The following LCP1 variants were observed in gnomAD, a reference collection of about 807,000 sequenced individuals.
LCP1 encodes the protein lymphocyte cytosolic protein 1, also known as plastin-2.
A neutral mutation model predicts 72.0 loss-of-function variants in LCP1; 23 were observed. The ratio of observed to expected loss-of-function variants is 0.32; its 90% CI spans 0.23 to 0.45. LCP1 has a LOEUF of 0.45. Ranked by LOEUF, LCP1 falls within the 20% of genes least tolerant of loss-of-function variation. LCP1 has a pLI of 1.00. For missense variants in LCP1, 571 were observed against 748.3 expected (o/e 0.76, Z 2.76); for synonymous variants, 245 against 275.4 (o/e 0.89, Z 1.09).
intron 4 of LCP1, 88 bp from the exon 5 acceptor site, chr13:46,156,658 C>T (rs1374399678): frequency 2.2e-6 from 3 of 1,394,432 alleles, no homozygotes; most frequent in African/African-American, 2.8e-5. Flanking sequence ...ATTCTCATTC[C>T]CAGCAGAGAG....
chr13:46,136,033 G>A (rs2045662975), intron 13 of LCP1, among the ~76,000 whole-genome samples: 1 of 151,418 alleles, frequency 6.6e-6, no homozygotes, highest in African/African-American at 2.4e-5. Context: ...GCACATCTGT[G>A]ATTTCCTTCT....
intron 1 of LCP1, among the ~76,000 whole-genome samples, chr13:46,173,622 A>G (rs1211649804): frequency 6.6e-6 from 1 of 152,178 alleles, no homozygotes; most frequent in Non-Finnish European, 1.5e-5. Context: ...TGTGGGTGTA[A>G]ATCTAGATCT....
Position 46,154,786 on chromosome 13 carries a change from T to C in LCP1, c.573+19A>G, listed in dbSNP as rs371545146. 2.2e-5 allele frequency: 35 copies of C among 1,595,502 alleles called. No homozygotes were observed. The highest frequency in any genetic ancestry group is 2.9e-5 in the Non-Finnish European group (34 of 1,163,372). On this transcript the variant is annotated intron_variant, in intron 6 of 15. Transcript: ENST00000323076. ...ATGCCAAACAAATCCTGTATTATGG[T>C]AACGGTGGGAAGACATACCTGAATG...
At chr13:46,143,151 T>C in intron 12 of LCP1, 139 bp downstream of exon 12, 1 of 596,476 alleles carries the variant, frequency 1.7e-6, no homozygotes, top group Non-Finnish European at 3.0e-6. Flanking sequence ...GCTGTTCAGG[T>C]TTCTGATTGC....
At chr13:46,144,306 C>T (rs2045716599) in intron 11 of LCP1, 136 bp downstream of exon 11, 1 of 655,416 alleles carries the variant, frequency 1.5e-6, no homozygotes, top group Admixed American at 2.7e-5. Context: ...ATCTGAAGCT[C>T]AACTTGGCAC....
chr13:46,167,883 T>C (rs1481847312), intron 1 of LCP1, among the ~76,000 whole-genome samples: 1 of 152,140 alleles, frequency 6.6e-6, no homozygotes, highest in Non-Finnish European at 1.5e-5. Flanking sequence ...GCTAATTTAC[T>C]GTGAAATAGT....
chr13:46,129,924 G>A (rs937326109), intron 15 of LCP1, among the ~76,000 whole-genome samples: 4 of 152,166 alleles, frequency 2.6e-5, no homozygotes, highest in Admixed American at 6.5e-5. Flanking sequence ...AAGAAGTGTC[G>A]CAGAGAAACA....
chr13:46,135,014 T>A (rs924012188), intron 13 of LCP1, among the ~76,000 whole-genome samples: 1 of 146,312 alleles, frequency 6.8e-6, no homozygotes, highest in Non-Finnish European at 1.5e-5. Flanking sequence ...GAGGCTGAGG[T>A]AGGAGGATTG....
At chr13:46,151,209 G>T in intron 7 of LCP1, 131 bp from the exon 8 acceptor site, 1 of 801,942 alleles carries the variant, frequency 1.2e-6, no homozygotes, top group Non-Finnish European at 1.9e-6. Flanking sequence ...AAAGGTTCTT[G>T]TAGCCTTTCC....
rs1361485025 is a variant in LCP1, at chr13:46,142,174, A to G, written c.1502+118T>C. On this transcript the variant is annotated intron_variant, in intron 13 of 15. Coordinates refer to ENST00000323076, the MANE Select transcript of LCP1 (RefSeq NM_002298.5). The stretch of plus-strand genomic sequence containing the variant: ...AAAGGTAAAAAGTGTTTCTCTGGTT[A>G]TGAAGCTTAGCTTAAAACATACTTT... 9.4e-6 allele frequency: 10 copies of G among 1,062,602 alleles called. No homozygotes were observed. In the Middle Eastern group the frequency reaches 8.9e-4, roughly 94 times the overall value. 65.8% of individuals were successfully genotyped at this position (1,062,602 alleles called of 1,614,324 possible).
chr13:46,176,974 A>C (rs1309581493), intron 1 of LCP1, among the ~76,000 whole-genome samples: 3 of 152,072 alleles, frequency 2.0e-5, no homozygotes, highest in Non-Finnish European at 4.4e-5. Flanking sequence ...AATAAGAATC[A>C]ATGCTGCAAC....
chr13:46,142,490 TAATA>T, intron 12 of LCP1, 65 bp from the exon 13 acceptor site: 2 of 1,500,688 alleles, frequency 1.3e-6, no homozygotes, highest in Non-Finnish European at 1.8e-6. Flanking sequence ...ACCAGATAAA[TAATA>T]AAAATAAAGA....
At chr13:46,136,998 A>G (rs1214532001) in intron 13 of LCP1, among the ~76,000 whole-genome samples, 1 of 152,154 alleles carries the variant, frequency 6.6e-6, no homozygotes, top group Non-Finnish European at 1.5e-5. Context: ...TTTATACTAA[A>G]GTTTGTCTGC....
intron 10 of LCP1, among the ~76,000 whole-genome samples, chr13:46,146,459 T>C (rs1300594558): frequency 1.3e-5 from 2 of 152,212 alleles, no homozygotes; most frequent in Non-Finnish European, 1.5e-5. Context: ...TGCCTCAAAA[T>C]ACTTTTCTGT....
intron 1 of LCP1, among the ~76,000 whole-genome samples, chr13:46,159,965 G>A (rs1278703639): frequency 1.3e-5 from 2 of 152,158 alleles, no homozygotes; most frequent in Non-Finnish European, 2.9e-5. Flanking sequence ...TAGAATCTGG[G>A]CTGGTTTTTT....
Position 46,126,370 on chromosome 13 carries a change from T to G in LCP1, c.*1221A>C, listed in dbSNP as rs2045598142. On this transcript the variant is annotated 3_prime_UTR_variant, in exon 16 of 16. Coordinates refer to ENST00000323076, the MANE Select transcript of LCP1 (RefSeq NM_002298.5). ...AATTCATACTGTTCTGGTTTTGCTT[T>G]GGAATTCTTTGTCCAGTAAATTAGC... The G allele has an allele frequency of 4.3e-6, 1 of 230,556 alleles. No individual in the cohort carries two copies. Among genetic ancestry groups the G allele is most frequent in the South Asian group, 1.8e-4 (1 of 5,508 alleles). The allele number at this position is 230,556 out of a possible 1,614,324, so 14.3% of individuals were successfully genotyped here. A position where few individuals can be genotyped will look rare whatever the true frequency, so the allele number is the denominator to read the frequency against.
Position 46,157,741 on chromosome 13 carries a change from CTT to C in LCP1, c.358+779_358+780del, listed in dbSNP as rs548259648. Among the ~76,000 whole-genome samples the C allele has an allele frequency of 6.6e-3, 658 of 99,756 alleles. 1 individual carries two copies. Among genetic ancestry groups the C allele is most frequent in the African/African-American group, 0.026 (622 of 24,262 alleles). 65.4% of individuals were successfully genotyped at this position (99,756 alleles called of 152,430 possible). ...TAGATGGTATTTAATCATGACTTAT[CTT>C]TTTTTTTTTTTTTTTTTTTTTTGAG... On this transcript the variant is annotated intron_variant, in intron 4 of 15. Coordinates refer to ENST00000323076, the MANE Select transcript of LCP1 (RefSeq NM_002298.5).
Position 46,152,907 on chromosome 13 carries a change from G to A in LCP1, c.612C>T (p.Ile204=), listed in dbSNP as rs376159932. 88 of 1,613,486 alleles carry A rather than the reference G, an allele frequency of 5.5e-5. No individual in the cohort carries two copies. The highest frequency in any genetic ancestry group is 1.7e-4 in the Middle Eastern group (1 of 6,060). ...LNLALNSASA[I]GCHVVNIGAE... The stretch of plus-strand genomic sequence containing the variant: ...CCCCTATGTTGACCACATGGCACCC[G>A]ATGGCTGAGGCAGAGTTCAGAGCCA... Residue 204 remains isoleucine (I), a synonymous_variant, in exon 7 of 16, where the codon ATC becomes ATT. Coordinates refer to ENST00000323076, the MANE Select transcript of LCP1 (RefSeq NM_002298.5).
rs1408884610 is a variant in LCP1, at chr13:46,126,208, C to T, written c.*1383G>A. ...AAAATGGCTAAGTTCCATTACATAC[C>T]ACCACTAAAGAAGATACCTCATTGA... is the stretch of plus-strand genomic sequence containing the variant. On this transcript the variant is annotated 3_prime_UTR_variant, in exon 16 of 16. Transcript: ENST00000323076. 8.9e-6 allele frequency: 2 copies of T among 224,432 alleles called. No homozygotes were observed. The highest frequency in any genetic ancestry group is 5.7e-5 in the Admixed American group (1 of 17,476). 13.9% of individuals were successfully genotyped at this position (224,432 alleles called of 1,614,324 possible). A position where few individuals can be genotyped will look rare whatever the true frequency, so the allele number is the denominator to read the frequency against.
Sources: allele counts gnomAD v4.1 joint callset (sites outside exome capture counted in the v4.1 genomes callset), GRCh38; gene constraint gnomAD v4.1.1; transcripts MANE v1.5; gene names NCBI Gene and HGNC (gene_info 2026-07-23, HGNC 2026-07-21).